The following ANKS1B variants were observed in gnomAD, a reference collection of about 807,000 sequenced individuals.
The protein encoded by ANKS1B is ankyrin repeat and sterile alpha motif domain-containing protein 1B.
ANKS1B carries 36 observed loss-of-function variants against 148.3 expected under a neutral mutation model. That is an observed-to-expected ratio of 0.24 (90% CI 0.19 to 0.32). The LOEUF is 0.32. ANKS1B is among the 10% of genes least tolerant of loss of function. The pLI is 1.00. For missense variants in ANKS1B, 1,157 were observed against 1,542.6 expected (o/e 0.75, Z 4.19); for synonymous variants, 542 against 560.8 (o/e 0.97, Z 0.47).
At chr12:98,980,378 T>C (rs928872502) in intron 17 of ANKS1B, among the ~76,000 whole-genome samples, 15 of 152,264 alleles carry the variant, frequency 9.9e-5, no homozygotes, top group African/African-American at 3.1e-4. Context: ...TTTTTCATTT[T>C]CGTATTTTTA....
At chr12:98,891,457 G>A (rs2099752462) in intron 17 of ANKS1B, among the ~76,000 whole-genome samples, 1 of 151,828 alleles carries the variant, frequency 6.6e-6, no homozygotes, top group Non-Finnish European at 1.5e-5. Context: ...GAAAAAATCA[G>A]ATGAACAGGA....
rs567589918 is a variant in ANKS1B, at chr12:98,990,265, C to T, written c.2778+62892G>A. 4.6e-5 allele frequency among the ~76,000 whole-genome samples: 7 copies of T among 151,748 alleles called. No individual in the cohort carries two copies. The South Asian group carries it at 1.5e-3, about 32-fold the overall frequency. ...ATTTATTTCTAAATATTTTTTGTAG[C>T]TATTGTAATTAGGATTATTTTCCTA... is the stretch of plus-strand genomic sequence containing the variant. On this transcript the variant is annotated intron_variant, in intron 17 of 26. Transcript: ENST00000683438.
chr12:99,767,476 A>G (rs2062763056), intron 8 of ANKS1B, among the ~76,000 whole-genome samples: 1 of 152,062 alleles, frequency 6.6e-6, no homozygotes, highest in South Asian at 2.1e-4. Context: ...TTATCATCAA[A>G]TTTCTCTATG....
intron 17 of ANKS1B, among the ~76,000 whole-genome samples, chr12:98,914,585 AC>A (rs1185166931): frequency 6.6e-6 from 1 of 150,742 alleles, no homozygotes; most frequent in African/African-American, 2.4e-5. Flanking sequence ...TATTTCTCAG[AC>A]CCCCATTCCC....
At chr12:98,948,030 T>C (rs1391923874) in intron 17 of ANKS1B, among the ~76,000 whole-genome samples, 1 of 152,134 alleles carries the variant, frequency 6.6e-6, no homozygotes, top group East Asian at 1.9e-4. Flanking sequence ...TTCATGTTTG[T>C]AATTACAAAT....
chr12:99,439,162 T>C (rs567647555), intron 11 of ANKS1B, among the ~76,000 whole-genome samples: 1 of 151,676 alleles, frequency 6.6e-6, no homozygotes, highest in Non-Finnish European at 1.5e-5. Context: ...CCTCACACCA[T>C]ACACAAAGCA....
intron 9 of ANKS1B, among the ~76,000 whole-genome samples, chr12:99,644,692 T>C (rs1053549551): frequency 2.7e-4 from 41 of 152,198 alleles, no homozygotes; most frequent in African/African-American, 9.9e-4. Flanking sequence ...AGGGCTACCA[T>C]TACAAATTAC....
rs1373182977 is a variant in ANKS1B at position 99,806,707 on chromosome 12, C to A, written c.373-7G>T. ...CAGTTTCATTTTCATTGTTCTAAGA[C>A]AAAGATTTTTAAAAAGGCACATTTT... is the stretch of plus-strand genomic sequence containing the variant. On this transcript the variant is annotated splice_polypyrimidine_tract_variant and splice_region_variant and intron_variant, in intron 3 of 26. Transcript: ENST00000683438. 2.5e-6 allele frequency: 4 copies of A among 1,588,720 alleles called. No homozygotes were observed. The highest frequency in any genetic ancestry group is 3.4e-6 in the Non-Finnish European group (4 of 1,162,808).
chr12:99,645,430 G>T lies in ANKS1B; in HGVS notation c.1272+9637C>A, dbSNP rs189997215. Among the ~76,000 whole-genome samples, 36 of 152,162 alleles carry T rather than the reference G, an allele frequency of 2.4e-4. No homozygotes were observed. The East Asian group carries it at 6.6e-3, about 28-fold the overall frequency. ...GTAGTTTTGTTGTTGGGAGAGAGGG[G>T]GAAAGCTAAAGCCCTATCACAAAAC... On this transcript the variant is annotated intron_variant, in intron 9 of 26. Coordinates refer to ENST00000683438, the MANE Select transcript of ANKS1B (RefSeq NM_001352186.2).
intron 10 of ANKS1B, among the ~76,000 whole-genome samples, chr12:99,452,453 T>C (rs2095759015): frequency 6.6e-6 from 1 of 152,202 alleles, no homozygotes; most frequent in African/African-American, 2.4e-5. Flanking sequence ...AAAAATGGCA[T>C]TATATCTAAC....
intron 22 of ANKS1B, among the ~76,000 whole-genome samples, 170 bp downstream of exon 22, chr12:98,798,764 T>C (rs1441812226): frequency 6.6e-6 from 1 of 152,196 alleles, no homozygotes; most frequent in Non-Finnish European, 1.5e-5. Context: ...TATAGTGAGA[T>C]AAGTTCAAGC....
intron 9 of ANKS1B, among the ~76,000 whole-genome samples, chr12:99,654,526 T>C (rs1017884949): frequency 2.0e-5 from 3 of 152,296 alleles, no homozygotes; most frequent in Non-Finnish European, 4.4e-5. Flanking sequence ...AACCTGAAGG[T>C]GATACTACAG....
At chr12:99,004,315 T>C (rs1434689742) in intron 17 of ANKS1B, among the ~76,000 whole-genome samples, 2 of 151,966 alleles carry the variant, frequency 1.3e-5, no homozygotes, top group Admixed American at 1.3e-4. Flanking sequence ...GCAAGTTACT[T>C]TACTCTGTTT....
At chr12:99,818,542 T>C (rs2082142208) in intron 2 of ANKS1B, among the ~76,000 whole-genome samples, 1 of 151,866 alleles carries the variant, frequency 6.6e-6, no homozygotes, top group Non-Finnish European at 1.5e-5. Context: ...ATAATCCCTA[T>C]GTCTTAAATG....
intron 9 of ANKS1B, among the ~76,000 whole-genome samples, chr12:99,530,674 T>C (rs568989412): frequency 6.6e-6 from 1 of 152,258 alleles, no homozygotes; most frequent in African/African-American, 2.4e-5. Flanking sequence ...AAACCTACCA[T>C]TTATTTAATC....
chr12:99,520,558 G>T (rs1789766721), intron 9 of ANKS1B, among the ~76,000 whole-genome samples: 1 of 151,958 alleles, frequency 6.6e-6, no homozygotes, highest in Admixed American at 6.6e-5. Context: ...AATCTTCTTT[G>T]GTTTAAATCT....
chr12:99,648,168 G>A, intron 9 of ANKS1B: 4 of 1,607,174 alleles, frequency 2.5e-6, no homozygotes, highest in Non-Finnish European at 1.7e-6. Flanking sequence ...TTGATTTAAA[G>A]GAAGACATGG....
At chr12:99,309,824 A>AAAC (rs1220480885) in intron 12 of ANKS1B, among the ~76,000 whole-genome samples, 1 of 152,138 alleles carries the variant, frequency 6.6e-6, no homozygotes, top group Admixed American at 6.6e-5. Context: ...GCAGTACTAC[A>AAAC]AACAGCATTC....
At chr12:99,773,693 T>C (rs1428916425) in intron 7 of ANKS1B, among the ~76,000 whole-genome samples, 1 of 152,124 alleles carries the variant, frequency 6.6e-6, no homozygotes, top group African/African-American at 2.4e-5. Flanking sequence ...TGTAATTTAT[T>C]CTGAAAAAAA....
Sources: gnomAD v4.1 joint callset for allele counts (sites outside exome capture counted in the v4.1 genomes callset) on GRCh38, gnomAD v4.1.1 for gene constraint, MANE v1.5 for transcripts, NCBI Gene and HGNC (gene_info 2026-07-23, HGNC 2026-07-21) for gene names.